The following PDE4D variants were observed in gnomAD, a reference collection of about 807,000 sequenced individuals.
The protein encoded by PDE4D is 3',5'-cyclic-AMP phosphodiesterase 4D.
Under a neutral mutation model 87.4 loss-of-function variants are expected in PDE4D, and 24 were observed. The observed-to-expected ratio is 0.27, with a 90% confidence interval of 0.20 to 0.39. PDE4D has a LOEUF of 0.39. Among genes scored for constraint, PDE4D ranks in the 10% least tolerant of loss-of-function variants. The pLI, the probability that PDE4D is intolerant of heterozygous loss-of-function variation, is 1.00. For synonymous variants in PDE4D, 384 were observed against 383.2 expected (o/e 1.00, Z -0.02); for missense variants, 714 against 1,041.0 (o/e 0.69, Z 4.32).
chr5:60,066,197 A>G (rs538514444), intron 2 of PDE4D, among the ~76,000 whole-genome samples: 3 of 152,048 alleles, frequency 2.0e-5, no homozygotes, highest in Admixed American at 6.6e-5. Context: ...GATGATGAGC[A>G]TTTTTTCATG....
At chr5:59,815,820 C>T (rs564935836) in intron 1 of PDE4D, among the ~76,000 whole-genome samples, 3 of 152,316 alleles carry the variant, frequency 2.0e-5, no homozygotes, top group African/African-American at 7.2e-5. Flanking sequence ...TTCATTTCAG[C>T]CTAAGGAGAC....
chr5:59,582,747 A>G (rs1824395699), intron 1 of PDE4D, among the ~76,000 whole-genome samples: 1 of 152,212 alleles, frequency 6.6e-6, no homozygotes, highest in Non-Finnish European at 1.5e-5. Flanking sequence ...TTAGGGTCCT[A>G]GAAGAAGGAA....
intron 1 of PDE4D, among the ~76,000 whole-genome samples, chr5:59,856,137 A>G (rs1010326634): frequency 1.3e-5 from 2 of 152,182 alleles, no homozygotes; most frequent in Non-Finnish European, 2.9e-5. Flanking sequence ...CTGGAAAAAA[A>G]TCTTAGAGAT....
At chr5:60,176,961 G>A (rs1783963323) in intron 2 of PDE4D, among the ~76,000 whole-genome samples, 1 of 152,142 alleles carries the variant, frequency 6.6e-6, no homozygotes, top group African/African-American at 2.4e-5. Flanking sequence ...TTCACTGTGG[G>A]AAGATAAGCA....
At position 59,399,797 on chromosome 5, in the gene PDE4D, C is replaced by T. The variant is rs1400828934; in HGVS notation, c.456-183829G>A. Among the ~76,000 whole-genome samples the T allele has an allele frequency of 1.9e-5, 2 of 107,202 alleles. 1 individual carries two copies. Among genetic ancestry groups the T allele is most frequent in the Non-Finnish European group, 3.8e-5 (2 of 52,256 alleles). 70.3% of individuals were successfully genotyped at this position (107,202 alleles called of 152,430 possible). The stretch of plus-strand genomic sequence containing the variant: ...AACTACCATCAGAGTGAACAGGCAA[C>T]CTAGAAAATGGGAGAAAATTTTCGC... On this transcript the variant is annotated intron_variant, in intron 1 of 14. Transcript: ENST00000340635.
At chr5:60,205,095 C>G (rs1742344668) in intron 1 of PDE4D, among the ~76,000 whole-genome samples, 1 of 152,166 alleles carries the variant, frequency 6.6e-6, no homozygotes, top group African/African-American at 2.4e-5. Flanking sequence ...TTCCAGGTTT[C>G]TGCCTGAGAG....
chr5:59,757,955 G>A (rs1213641016), intron 1 of PDE4D, among the ~76,000 whole-genome samples: 1 of 152,076 alleles, frequency 6.6e-6, no homozygotes, highest in Non-Finnish European at 1.5e-5. Flanking sequence ...CTAATAAACT[G>A]AGATTCCACA....
intron 1 of PDE4D, among the ~76,000 whole-genome samples, chr5:59,718,256 T>C (rs1213317659): frequency 1.3e-5 from 2 of 152,206 alleles, no homozygotes; most frequent in Non-Finnish European, 2.9e-5. Context: ...ACCTATTCTA[T>C]GTCCATCTAA....
chr5:60,314,777 G>C (rs1038855839), intron 1 of PDE4D, among the ~76,000 whole-genome samples: 2 of 151,972 alleles, frequency 1.3e-5, no homozygotes, highest in Non-Finnish European at 2.9e-5. Flanking sequence ...GAGAATGATG[G>C]TTTCCAGCTT....
chr5:60,201,180 A>G (rs1741856565), intron 1 of PDE4D, among the ~76,000 whole-genome samples: 1 of 149,480 alleles, frequency 6.7e-6, no homozygotes. Flanking sequence ...AGGATTCTCT[A>G]CTTGAAAAAC....
At position 59,518,816 on chromosome 5, in the gene PDE4D, GAAATA is replaced by G. The variant is rs145954996; in HGVS notation, c.456-302853_456-302849del. ...GTAATAGACTAGTTTTTTAAAAACTGAAATAAAATGTCTTCATTTAAAGAAGAAAC... is the reference window on the plus strand; with the variant it reads ...GTAATAGACTAGTTTTTTAAAAACTGAAATGTCTTCATTTAAAGAAGAAAC... On this transcript the variant is annotated intron_variant, in intron 1 of 14. Transcript: ENST00000340635. Among the ~76,000 whole-genome samples the G allele has an allele frequency of 5.2e-3, 798 of 152,214 alleles. 8 individuals carry two copies. Among genetic ancestry groups the G allele is most frequent in the African/African-American group, 0.018 (735 of 41,542 alleles).
intron 5 of PDE4D, among the ~76,000 whole-genome samples, chr5:59,142,239 C>T (rs1030153666): frequency 1.3e-5 from 2 of 152,148 alleles, no homozygotes; most frequent in African/African-American, 4.8e-5. Flanking sequence ...GTCATGATTG[C>T]TTTCTCTTTT....
rs761671224 is a variant in PDE4D, at chr5:58,989,900, G to C, written c.1307C>G (p.Thr436Arg). The part of the protein sequence containing the change: ...TIFQERDLLK[T>R]FKIPVDTLIT... ...TAAAGTATCTACTGGAATTTTAAATGTTTTTAATAAATCCCGTTCCTGTAG... is the reference window on the plus strand; with the variant it reads ...TAAAGTATCTACTGGAATTTTAAATCTTTTTAATAAATCCCGTTCCTGTAG... Residue 436 changes from threonine (T) to arginine (R), a missense_variant, in exon 10 of 15, where the codon ACA (threonine) becomes AGA (arginine). Transcript: ENST00000340635. 3.3e-6 allele frequency: 5 copies of C among 1,534,602 alleles called. No individual in the cohort carries two copies. The highest frequency in any genetic ancestry group is 4.5e-6 in the Non-Finnish European group (5 of 1,117,610).
intron 1 of PDE4D, among the ~76,000 whole-genome samples, chr5:59,743,294 C>A (rs1294548479): frequency 2.0e-5 from 3 of 152,088 alleles, no homozygotes; most frequent in South Asian, 4.1e-4. Context: ...TAAAAGCACA[C>A]AGAGGAATGA....
At chr5:59,585,200 C>T (rs1048969587) in intron 1 of PDE4D, among the ~76,000 whole-genome samples, 5 of 152,134 alleles carry the variant, frequency 3.3e-5, no homozygotes, top group African/African-American at 1.2e-4. Flanking sequence ...AAAATAAGCA[C>T]CTGCCTAGAG....
At chr5:59,441,354 C>T (rs1193824836) in intron 1 of PDE4D, among the ~76,000 whole-genome samples, 1 of 152,200 alleles carries the variant, frequency 6.6e-6, no homozygotes, top group Admixed American at 6.5e-5. Context: ...GCCTTGGCCT[C>T]CCAAAGTGCT....
intron 3 of PDE4D, among the ~76,000 whole-genome samples, chr5:59,192,395 C>T (rs770814951): frequency 3.3e-5 from 5 of 152,090 alleles, no homozygotes; most frequent in Non-Finnish European, 7.3e-5. Flanking sequence ...ACTCTTGGAA[C>T]TGTTATTTAA....
At chr5:59,761,667 T>C (rs1761982389) in intron 1 of PDE4D, among the ~76,000 whole-genome samples, 1 of 152,202 alleles carries the variant, frequency 6.6e-6, no homozygotes, top group Admixed American at 6.5e-5. Context: ...CTTGTCCCAC[T>C]GGAAGCTCTT....
chr5:59,615,094 T>C (rs295976), intron 1 of PDE4D, among the ~76,000 whole-genome samples: 3,817 of 152,286 alleles, frequency 0.025, 50 homozygotes, highest in South Asian at 0.034. Flanking sequence ...CCTCCCAAAC[T>C]GCTGGGATTA....
Sources: allele counts gnomAD v4.1 joint callset (sites outside exome capture counted in the v4.1 genomes callset), GRCh38; gene constraint gnomAD v4.1.1; transcripts MANE v1.5; gene names NCBI Gene and HGNC (gene_info 2026-07-23, HGNC 2026-07-21).